Variants in CPN1 observed in about 807,000 individuals in gnomAD.
CPN1 encodes carboxypeptidase N subunit 1.
In CPN1, 37 loss-of-function variants were observed where a neutral mutation model predicts 46.4. The ratio of observed to expected loss-of-function variants is 0.80; its 90% confidence interval spans 0.61 to 1.05. The LOEUF (loss-of-function observed/expected upper bound fraction) is 1.05, where lower values mean the gene tolerates loss of function less well. Ranked by LOEUF, CPN1 falls within the 50% of genes least tolerant of loss-of-function variation. The probability of loss-of-function intolerance (pLI) is 0.00; values close to 1 mark genes in which losing one functional copy is unlikely to be tolerated. For missense variants in CPN1, 563 were observed against 602.6 expected, an observed-to-expected ratio of 0.93 and a Z score of 0.69; for synonymous variants, 224 against 235.4, an observed-to-expected ratio of 0.95 and a Z score of 0.44.
intron 2 of CPN1, among the ~76,000 whole-genome samples, chr10:100,074,543 G>A (rs751468047): frequency 2.6e-5 from 4 of 152,094 alleles, no homozygotes; most frequent in Admixed American, 1.3e-4. Context: ...AGCCTCCCAA[G>A]TAGGTGGAAT....
At chr10:100,058,079 A>AC (rs1383977102) in intron 5 of CPN1, among the ~76,000 whole-genome samples, 10 of 150,992 alleles carry the variant, frequency 6.6e-5, no homozygotes, top group Admixed American at 1.3e-4. Flanking sequence ...CCTCCATAAC[A>AC]TTTTTCCCAA....
intron 3 of CPN1, 103 bp from the exon 4 acceptor site, chr10:100,065,473 T>C: frequency 7.9e-7 from 1 of 1,258,246 alleles, no homozygotes; most frequent in Non-Finnish European, 1.1e-6. Context: ...AGATAAAATG[T>C]CTGAATGAAA....
chr10:100,057,213 CAT>C, intron 5 of CPN1, 61 bp from the exon 6 acceptor site: 2 of 1,566,492 alleles, frequency 1.3e-6, no homozygotes, highest in Non-Finnish European at 1.7e-6. Flanking sequence ...TGCCCCATCT[CAT>C]CTCTCTCTCT....
chr10:100,068,236 C>T (rs1213021615), intron 3 of CPN1, among the ~76,000 whole-genome samples: 4 of 120,660 alleles, frequency 3.3e-5, no homozygotes, highest in African/African-American at 3.2e-5. Context: ...TTTTTTGAGA[C>T]GGAGTCTCGC....
chr10:100,065,842 G>A (rs998355503), intron 3 of CPN1, among the ~76,000 whole-genome samples: 1 of 152,006 alleles, frequency 6.6e-6, no homozygotes, highest in Non-Finnish European at 1.5e-5. Context: ...GGTGGAGTGG[G>A]GTGGGGAGTA....
At chr10:100,074,776 C>T (rs548725630) in intron 2 of CPN1, among the ~76,000 whole-genome samples, 5 of 152,184 alleles carry the variant, frequency 3.3e-5, no homozygotes, top group African/African-American at 1.2e-4. Context: ...TAAGGCAGAT[C>T]GATGCCTGGC....
intron 5 of CPN1, among the ~76,000 whole-genome samples, chr10:100,063,405 G>A (rs555756360): frequency 5.3e-4 from 80 of 152,314 alleles, no homozygotes; most frequent in Admixed American, 1.2e-3. Flanking sequence ...ACAGGCGTGA[G>A]CCACTGTGCC....
intron 2 of CPN1, among the ~76,000 whole-genome samples, chr10:100,071,467 C>T (rs2041484918): frequency 1.3e-5 from 2 of 152,142 alleles, no homozygotes; most frequent in African/African-American, 4.8e-5. Context: ...ATGGCCTCCT[C>T]CCCAGTCTGT....
intron 8 of CPN1, among the ~76,000 whole-genome samples, chr10:100,045,512 G>A (rs1394260516): frequency 6.6e-6 from 1 of 152,170 alleles, no homozygotes; most frequent in African/African-American, 2.4e-5. Context: ...ATTCTCAAAG[G>A]ACTTAAAGCA....
At chr10:100,052,597 TG>T (rs1262694540) in intron 7 of CPN1, among the ~76,000 whole-genome samples, 1 of 152,034 alleles carries the variant, frequency 6.6e-6, no homozygotes, top group East Asian at 1.9e-4. Flanking sequence ...AAAAGCCAGG[TG>T]TGCATTCCTG....
intron 8 of CPN1, among the ~76,000 whole-genome samples, chr10:100,048,314 GA>G (rs1410191946): frequency 6.6e-6 from 1 of 152,104 alleles, no homozygotes; most frequent in Middle Eastern, 3.2e-3. Flanking sequence ...GAGAGTGACA[GA>G]ACAAAAATTA....
chr10:100,061,598 T>C (rs1385400645), intron 5 of CPN1, among the ~76,000 whole-genome samples: 1 of 152,166 alleles, frequency 6.6e-6, no homozygotes, highest in Non-Finnish European at 1.5e-5. Flanking sequence ...AAGAACCATT[T>C]TGATAAATTT....
chr10:100,047,073 A>G lies in CPN1; in HGVS notation c.1230+1685T>C, dbSNP rs557410457. On this transcript the variant is annotated intron_variant, in intron 8 of 8. Transcript: ENST00000370418. Reference sequence around the variant, plus strand: ...TGGGTGGCAGAGCGAGACTCTGTCGAAAAAAAAAAAAAATTAGCTGGACAT... The same window carrying G: ...TGGGTGGCAGAGCGAGACTCTGTCGGAAAAAAAAAAAAATTAGCTGGACAT... Among the ~76,000 whole-genome samples the G allele has an allele frequency of 1.7e-3, 242 of 141,652 alleles. 2 individuals are homozygous for G. Among genetic ancestry groups the G allele is most frequent in the African/African-American group, 6.2e-3 (231 of 37,192 alleles). The allele number at this position is 141,652 out of a possible 152,430, so 92.9% of individuals were successfully genotyped here.
chr10:100,081,365 C>G (rs2041543939), intron 1 of CPN1, 38 bp downstream of exon 1: 1 of 1,576,656 alleles, frequency 6.3e-7, no homozygotes, highest in Non-Finnish European at 8.7e-7. Context: ...AGGGAAAGGC[C>G]CTGCCCCACA....
chr10:100,046,977 G>A (rs2041316880), intron 8 of CPN1, among the ~76,000 whole-genome samples: 1 of 152,012 alleles, frequency 6.6e-6, no homozygotes, highest in Non-Finnish European at 1.5e-5. Context: ...GGGAGGCTGA[G>A]GCAGGAGAAT....
Position 100,065,854 on chromosome 10 carries a change from A to G in CPN1, c.577-484T>C, listed in dbSNP as rs530805141. 2.6e-5 allele frequency among the ~76,000 whole-genome samples: 4 copies of G among 152,178 alleles called. No homozygotes were observed. The South Asian group carries it at 8.3e-4, about 32-fold the overall frequency. ...GTGGGTGGAGTGGGGTGGGGAGTATATGAGAACTCTGTACTTTTTGCTCAA... is the reference window on the plus strand; with the variant it reads ...GTGGGTGGAGTGGGGTGGGGAGTATGTGAGAACTCTGTACTTTTTGCTCAA... On this transcript the variant is annotated intron_variant, in intron 3 of 8. Coordinates refer to ENST00000370418, the MANE Select transcript of CPN1 (RefSeq NM_001308.3).
Position 100,081,650 on chromosome 10 carries a change from C to A in CPN1, c.-25G>T. 4 of 1,601,270 alleles carry A rather than the reference C, an allele frequency of 2.5e-6. No homozygotes were observed. Among genetic ancestry groups the A allele is most frequent in the African/African-American group, 1.3e-5 (1 of 74,770 alleles). ...TCTTGCTGGGCTTTTTCAAAGAGAG[C>A]CACTGAAACGCGCCCCACCTCCTTA... is the stretch of plus-strand genomic sequence containing the variant. On this transcript the variant is annotated 5_prime_UTR_variant, in exon 1 of 9. Transcript: ENST00000370418.
At chr10:100,059,680 T>C (rs1270275481) in intron 5 of CPN1, among the ~76,000 whole-genome samples, 1 of 151,542 alleles carries the variant, frequency 6.6e-6, no homozygotes, top group Non-Finnish European at 1.5e-5. Context: ...AACAGTATGG[T>C]AGTTCCTCAA....
chr10:100,052,065 A>G (rs1274401197), intron 7 of CPN1, among the ~76,000 whole-genome samples: 1 of 144,558 alleles, frequency 6.9e-6, no homozygotes, highest in Non-Finnish European at 1.5e-5. Flanking sequence ...ACACCACCAC[A>G]CCCAGCTAAT....
Sources: allele counts gnomAD v4.1 joint callset (sites outside exome capture counted in the v4.1 genomes callset), GRCh38; gene constraint gnomAD v4.1.1; transcripts MANE v1.5; gene names NCBI Gene and HGNC (gene_info 2026-07-23, HGNC 2026-07-21).